Variants in LRRFIP2 observed in about 807,000 individuals in gnomAD.
LRRFIP2 encodes leucine-rich repeat flightless-interacting protein 2.
In LRRFIP2, 109 loss-of-function variants were observed where a neutral mutation model predicts 125.9. The ratio of observed to expected loss-of-function variants is 0.87; its 90% CI spans 0.74 to 1.01. The LOEUF (loss-of-function observed/expected upper bound fraction) is 1.01. LRRFIP2 is among the 50% of genes least tolerant of loss of function. The pLI, the probability that LRRFIP2 is intolerant of heterozygous loss-of-function variation, is 0.00. For missense variants in LRRFIP2, 850 were observed against 862.3 expected, an observed-to-expected ratio of 0.99 and a Z score of 0.18; for synonymous variants, 291 against 293.1, an observed-to-expected ratio of 0.99 and a Z score of 0.07.
At chr3:37,100,595 G>C (rs1210440344) in intron 15 of LRRFIP2, among the ~76,000 whole-genome samples, 3 of 152,052 alleles carry the variant, frequency 2.0e-5, no homozygotes, top group African/African-American at 7.3e-5. Flanking sequence ...GGCAGGGGGA[G>C]ATTTTTTAAA....
At chr3:37,077,316 T>C (rs905230191) in intron 19 of LRRFIP2, among the ~76,000 whole-genome samples, 3 of 152,190 alleles carry the variant, frequency 2.0e-5, no homozygotes, top group African/African-American at 7.2e-5. Flanking sequence ...TAAAGTGTGG[T>C]ACATCCATAC....
intron 18 of LRRFIP2, among the ~76,000 whole-genome samples, chr3:37,087,553 T>TA (rs1173081561): frequency 6.6e-6 from 1 of 152,202 alleles, no homozygotes; most frequent in African/African-American, 2.4e-5. Context: ...CTCACTCACA[T>TA]AGTGATACCC....
chr3:37,085,839 C>G (rs1362941419), intron 18 of LRRFIP2, among the ~76,000 whole-genome samples: 2 of 152,102 alleles, frequency 1.3e-5, no homozygotes, highest in African/African-American at 4.8e-5. Flanking sequence ...ACCTCCGCCT[C>G]CCAAAGTGCT....
At chr3:37,105,354 T>C in intron 14 of LRRFIP2, 101 bp downstream of exon 14, 2 of 992,652 alleles carry the variant, frequency 2.0e-6, no homozygotes, top group Admixed American at 1.9e-5. Flanking sequence ...AAAATGCTCT[T>C]TTTGTCAAAT....
chr3:37,163,622 G>A (rs942631796), intron 1 of LRRFIP2, among the ~76,000 whole-genome samples: 1 of 152,192 alleles, frequency 6.6e-6, no homozygotes, highest in South Asian at 2.1e-4. Context: ...AGATGTGAGT[G>A]AGAAATAAAT....
At chr3:37,070,194 A>C (rs1383669845) in intron 21 of LRRFIP2, among the ~76,000 whole-genome samples, 2 of 151,384 alleles carry the variant, frequency 1.3e-5, no homozygotes, top group Non-Finnish European at 2.9e-5. Flanking sequence ...GCTCACTGCA[A>C]CCTTGGCCTC....
chr3:37,102,340 A>G lies in LRRFIP2; in HGVS notation c.873+584T>C, dbSNP rs576881467. ...GAAGGGGGAAGAAATCAATGAAACA[A>G]AATTGGCAAAATATTGATAATTGTT... is the stretch of plus-strand genomic sequence containing the variant. On this transcript the variant is annotated intron_variant, in intron 15 of 27. Transcript: ENST00000336686. 6.5e-4 allele frequency among the ~76,000 whole-genome samples: 99 copies of G among 152,208 alleles called. 1 individual carries two copies. In the South Asian group the frequency reaches 0.02, roughly 31 times the overall value.
At chr3:37,081,978 G>A (rs901428931) in intron 19 of LRRFIP2, among the ~76,000 whole-genome samples, 1 of 151,854 alleles carries the variant, frequency 6.6e-6, no homozygotes, top group African/African-American at 2.4e-5. Flanking sequence ...AATGATGGAG[G>A]GAAAAACTAA....
intron 1 of LRRFIP2, chr3:37,171,149 G>A (rs2096581461): frequency 6.6e-6 from 1 of 152,268 alleles, no homozygotes; most frequent in Non-Finnish European, 1.5e-5. Flanking sequence ...GGGAGGAGGA[G>A]GTAGCACTAA....
chr3:37,134,857 T>C (rs933644423), intron 2 of LRRFIP2: 35 of 1,140,564 alleles, frequency 3.1e-5, no homozygotes, highest in African/African-American at 4.6e-5. Context: ...CCACCTAAGG[T>C]TGCATGTACA....
chr3:37,054,014 G>T, intron 27 of LRRFIP2, 53 bp from the exon 28 acceptor site: 1 of 1,061,646 alleles, frequency 9.4e-7, no homozygotes, highest in Non-Finnish European at 1.5e-6. Context: ...AACATCCAGT[G>T]CTACTCTATT....
intron 2 of LRRFIP2, among the ~76,000 whole-genome samples, chr3:37,134,113 C>G (rs1157427477): frequency 4.0e-5 from 6 of 148,890 alleles, no homozygotes; most frequent in Non-Finnish European, 8.9e-5. Flanking sequence ...ACCTGGGAGA[C>G]GAAGGTTGCA....
intron 1 of LRRFIP2, among the ~76,000 whole-genome samples, chr3:37,160,363 G>T (rs1224145369): frequency 6.6e-6 from 1 of 152,100 alleles, no homozygotes; most frequent in Non-Finnish European, 1.5e-5. Context: ...TAACTCAGAA[G>T]AATAACTTAG....
At chr3:37,127,790 A>T (rs139775001) in intron 3 of LRRFIP2, 110 bp from the exon 4 acceptor site, 1 of 785,264 alleles carries the variant, frequency 1.3e-6, no homozygotes, top group East Asian at 2.7e-5. Flanking sequence ...TAGCTGACTC[A>T]AAGTTACACA....
At chr3:37,170,702 C>CA (rs55850659) in intron 1 of LRRFIP2, 53,430 of 152,060 alleles carry the variant, frequency 0.35, 10,568 homozygotes, top group Non-Finnish European at 0.45. Flanking sequence ...CGATTCTTGG[C>CA]AAACACTCTC....
chr3:37,172,307 G>A (rs1454092250), intron 1 of LRRFIP2, among the ~76,000 whole-genome samples: 1 of 151,908 alleles, frequency 6.6e-6, no homozygotes, highest in African/African-American at 2.4e-5. Flanking sequence ...TACGGAAAAT[G>A]AATAAATTAT....
At chr3:37,118,646 T>G (rs2094896037) in intron 6 of LRRFIP2, among the ~76,000 whole-genome samples, 1 of 152,214 alleles carries the variant, frequency 6.6e-6, no homozygotes, top group African/African-American at 2.4e-5. Context: ...ATATAGCTTC[T>G]GGTAAGCCAC....
intron 20 of LRRFIP2, among the ~76,000 whole-genome samples, chr3:37,073,202 TG>T (rs1433715360): frequency 6.6e-6 from 1 of 152,198 alleles, no homozygotes; most frequent in Non-Finnish European, 1.5e-5. Flanking sequence ...CTTTGATAAC[TG>T]CCTTTTTACC....
intron 2 of LRRFIP2, among the ~76,000 whole-genome samples, chr3:37,138,000 A>C (rs142307657): frequency 1.4e-3 from 209 of 152,278 alleles, no homozygotes; most frequent in African/African-American, 4.7e-3. Context: ...GGCTCTTTGT[A>C]CTTTCACTTA....
Sources: allele counts gnomAD v4.1 joint callset (sites outside exome capture counted in the v4.1 genomes callset), GRCh38; gene constraint gnomAD v4.1.1; transcripts MANE v1.5; gene names NCBI Gene and HGNC (gene_info 2026-07-23, HGNC 2026-07-21).